The following SIRT5 variants were observed in gnomAD, a reference collection of about 807,000 sequenced individuals.
SIRT5 encodes sirtuin 5, also known as NAD-dependent protein deacylase sirtuin-5, mitochondrial.
In SIRT5, 26 loss-of-function variants were observed where a neutral mutation model predicts 40.0. That is an observed-to-expected ratio of 0.65 (90% CI 0.48 to 0.90). The LOEUF (loss-of-function observed/expected upper bound fraction) is 0.90. SIRT5 is among the 40% of genes least tolerant of loss of function. The pLI is 0.00. For missense variants in SIRT5, 401 were observed against 402.4 expected, an observed-to-expected ratio of 1.00 and a Z score of 0.03; for synonymous variants, 146 against 149.1, an observed-to-expected ratio of 0.98 and a Z score of 0.15.
Position 13,596,951 on chromosome 6 carries a change from T to G in SIRT5, c.564-12T>G. 6.3e-7 allele frequency: 1 copy of G among 1,594,598 alleles called. No individual in the cohort carries two copies. Among genetic ancestry groups the G allele is most frequent in the Non-Finnish European group, 8.5e-7 (1 of 1,171,244 alleles). ...AATAACAATCTTTCTTTTCTAATAT[T>G]ATTTACTTCAGTGCTCCAGAACCTG... On this transcript the variant is annotated splice_polypyrimidine_tract_variant and intron_variant, in intron 6 of 9. Transcript: ENST00000606117.
chr6:13,609,807 C>T (rs769537769), intron 9 of SIRT5, among the ~76,000 whole-genome samples: 10 of 152,210 alleles, frequency 6.6e-5, no homozygotes, highest in Non-Finnish European at 1.2e-4. Context: ...TGGCAGCTGG[C>T]TTTACCCGTG....
At chr6:13,589,844 CGAAAAGGCT>C (rs1450089724) in intron 4 of SIRT5, among the ~76,000 whole-genome samples, 1 of 152,062 alleles carries the variant, frequency 6.6e-6, no homozygotes, top group Non-Finnish European at 1.5e-5. Flanking sequence ...TAGTTGCGTC[CGAAAAGGCT>C]CAGAGTTTGC....
At chr6:13,603,276 CAAAAAA>C (rs36093293) in intron 9 of SIRT5, among the ~76,000 whole-genome samples, 2 of 49,294 alleles carry the variant, frequency 4.1e-5, no homozygotes, top group South Asian at 6.8e-4. Flanking sequence ...GACTCCGTCT[CAAAAAA>C]AAAAAAAAAA....
intron 3 of SIRT5, among the ~76,000 whole-genome samples, chr6:13,584,670 T>C (rs914910693): frequency 2.0e-5 from 3 of 152,208 alleles, no homozygotes; most frequent in African/African-American, 7.2e-5. Flanking sequence ...TTTTAGGTAA[T>C]CCCTTCTAGG....
At position 13,614,534 on chromosome 6, in the gene SIRT5, GAAATA is replaced by G. The variant is rs1046117404; in HGVS notation, c.*2675_*2679del. ...GATCACAAAGGGCCATGTTTGCCAAGAAATAAAATATACTTGGAAAAAAAGTACGT... is the reference window on the plus strand; with the variant it reads ...GATCACAAAGGGCCATGTTTGCCAAGAAATATACTTGGAAAAAAAGTACGT... On this transcript the variant is annotated 3_prime_UTR_variant, in exon 10 of 10. Transcript: ENST00000606117. 1.3e-5 allele frequency: 2 copies of G among 152,230 alleles called. No homozygotes were observed. The highest frequency in any genetic ancestry group is 2.4e-5 in the African/African-American group (1 of 41,440). 9.4% of individuals were successfully genotyped at this position (152,230 alleles called of 1,614,324 possible).
chr6:13,591,379 C>T (rs1453954295), intron 4 of SIRT5, among the ~76,000 whole-genome samples: 3 of 152,232 alleles, frequency 2.0e-5, no homozygotes, highest in Non-Finnish European at 4.4e-5. Flanking sequence ...ACTTCATCTT[C>T]ACTACTTACT....
chr6:13,591,982 C>T (rs2127659761), intron 5 of SIRT5, 88 bp downstream of exon 5: 2 of 1,222,592 alleles, frequency 1.6e-6, no homozygotes, highest in African/African-American at 3.0e-5. Context: ...CCTTCCCTCC[C>T]TCCCTGCTGG....
At chr6:13,603,510 C>T (rs1354760794) in intron 9 of SIRT5, among the ~76,000 whole-genome samples, 1 of 152,176 alleles carries the variant, frequency 6.6e-6, no homozygotes, top group Non-Finnish European at 1.5e-5. Flanking sequence ...AGCAAAACCA[C>T]AGTGAGATAC....
rs180936707 is a variant in SIRT5 at position 13,604,992 on chromosome 6, C to A, written c.857+4043C>A. 5.1e-6 allele frequency: 5 copies of A among 988,714 alleles called. No individual in the cohort carries two copies. In the East Asian group the frequency reaches 5.6e-4, roughly 112 times the overall value. 61.2% of individuals were successfully genotyped at this position (988,714 alleles called of 1,614,324 possible). The stretch of plus-strand genomic sequence containing the variant: ...GAAGCCAGCAATGCTTTTTTCTTGG[C>A]ATCATCAAAGCTGACATTTAGAAGA... On this transcript the variant is annotated intron_variant, in intron 9 of 9. Transcript: ENST00000606117.
chr6:13,575,844 C>T (rs1338042435), intron 1 of SIRT5, among the ~76,000 whole-genome samples: 1 of 152,174 alleles, frequency 6.6e-6, no homozygotes, highest in African/African-American at 2.4e-5. Flanking sequence ...AACCATCATT[C>T]TACTCTGCTT....
At position 13,604,613 on chromosome 6, in the gene SIRT5, C is replaced by T. The variant is rs1158393910; in HGVS notation, c.857+3664C>T. On this transcript the variant is annotated intron_variant, in intron 9 of 9. Transcript: ENST00000606117. ...TTCCACAACCCAAGTTTAGAGTTGG[C>T]CCCCACCTCCCATGCCATGGACTGA... 1.3e-5 allele frequency: 20 copies of T among 1,494,192 alleles called. No individual in the cohort carries two copies. In the South Asian group the frequency reaches 2.4e-4, roughly 18 times the overall value. 92.6% of individuals were successfully genotyped at this position (1,494,192 alleles called of 1,614,324 possible).
Position 13,591,813 on chromosome 6 carries a change from G to A in SIRT5, c.394G>A (p.Gly132Ser). 1 of 1,614,166 alleles carries A rather than the reference G, an allele frequency of 6.2e-7. No individual in the cohort carries two copies. Among genetic ancestry groups the A allele is most frequent in the Non-Finnish European group, 8.5e-7 (1 of 1,180,006 alleles). The stretch of plus-strand genomic sequence containing the variant: ...GTGTGAGACCCGGCTGGGCAAGCAG[G>A]GCCGGCGAGTCGTGGTCATCACCCA... ...AECETRLGKQ[G>S]RRVVVITQNI... The change falls in exon 5 of 10, where the codon GGC (glycine) becomes AGC (serine). Residue 132 changes from glycine to serine, a missense_variant. By Grantham distance (56) the Gly-to-Ser change is moderately conservative. Transcript: ENST00000606117.
At chr6:13,583,659 T>A (rs957963617) in intron 2 of SIRT5, among the ~76,000 whole-genome samples, 3 of 152,250 alleles carry the variant, frequency 2.0e-5, no homozygotes, top group African/African-American at 7.2e-5. Flanking sequence ...CTTGTGCATT[T>A]TAGTGGTCCT....
intron 2 of SIRT5, among the ~76,000 whole-genome samples, chr6:13,582,890 A>G (rs1297160236): frequency 2.0e-5 from 3 of 152,176 alleles, no homozygotes; most frequent in Non-Finnish European, 2.9e-5. Flanking sequence ...TTTAGTTCTC[A>G]GTTAGAAATT....
chr6:13,608,447 G>A (rs1051807831), intron 9 of SIRT5, among the ~76,000 whole-genome samples: 1 of 152,016 alleles, frequency 6.6e-6, no homozygotes, highest in African/African-American at 2.4e-5. Flanking sequence ...CTAGCCAGGC[G>A]TGGTGGTCCA....
chr6:13,590,502 TGC>T (rs1760716235), intron 4 of SIRT5, among the ~76,000 whole-genome samples: 1 of 152,114 alleles, frequency 6.6e-6, no homozygotes. Context: ...TGTAGTTCTG[TGC>T]GTGTAGGTGT....
intron 9 of SIRT5, among the ~76,000 whole-genome samples, chr6:13,603,724 A>G (rs1156436502): frequency 2.0e-5 from 3 of 151,424 alleles, no homozygotes; most frequent in Admixed American, 2.0e-4. Context: ...AAATGAAATC[A>G]TACATCTACA....
chr6:13,598,231 G>A (rs1231625160), intron 7 of SIRT5, among the ~76,000 whole-genome samples: 1 of 152,186 alleles, frequency 6.6e-6, no homozygotes, highest in Non-Finnish European at 1.5e-5. Flanking sequence ...GTGTTTGGGG[G>A]ATGGTTTTAG....
rs1764185941 is a variant in SIRT5, at chr6:13,614,459, A to T, written c.*2594A>T. 1 of 152,262 alleles carries T rather than the reference A, an allele frequency of 6.6e-6. No homozygotes were observed. Among genetic ancestry groups the T allele is most frequent in the Non-Finnish European group, 1.5e-5 (1 of 68,050 alleles). 9.4% of individuals were successfully genotyped at this position (152,262 alleles called of 1,614,324 possible). A position where few individuals can be genotyped will look rare whatever the true frequency, so the allele number is the denominator to read the frequency against. On this transcript the variant is annotated 3_prime_UTR_variant, in exon 10 of 10. Transcript: ENST00000606117. ...TGAAACAGTTTGATTTGTTCAAAGAATGATGAATCACTTAGTGTTGTATAA... is the reference window on the plus strand; with the variant it reads ...TGAAACAGTTTGATTTGTTCAAAGATTGATGAATCACTTAGTGTTGTATAA...
Sources: gnomAD v4.1 joint callset for allele counts (sites outside exome capture counted in the v4.1 genomes callset) on GRCh38, gnomAD v4.1.1 for gene constraint, MANE v1.5 for transcripts, NCBI Gene and HGNC (gene_info 2026-07-23, HGNC 2026-07-21) for gene names.